The following ZBTB20 variants were observed in gnomAD, a reference collection of about 807,000 sequenced individuals.
ZBTB20 encodes the protein zinc finger and BTB domain containing 20, also known as zinc finger and BTB domain-containing protein 20.
ZBTB20 carries 9 observed loss-of-function variants against 56.9 expected under a neutral mutation model. That is an observed-to-expected ratio of 0.16 (90% CI 0.10 to 0.28). The LOEUF (loss-of-function observed/expected upper bound fraction) is 0.28, where lower values mean the gene tolerates loss of function less well. ZBTB20 is among the 10% of genes least tolerant of loss of function. The pLI, the probability that ZBTB20 is intolerant of heterozygous loss-of-function variation, is 1.00. For synonymous variants in ZBTB20, 417 were observed against 420.7 expected, an observed-to-expected ratio of 0.99 and a Z score of 0.11; for missense variants, 655 against 1,003.0, an observed-to-expected ratio of 0.65 and a Z score of 4.69.
chr3:114,342,298 G>A (rs1027534917), intron 11 of ZBTB20, among the ~76,000 whole-genome samples: 3 of 152,264 alleles, frequency 2.0e-5, no homozygotes, highest in East Asian at 1.9e-4. Flanking sequence ...GAGGTCTGTC[G>A]ATTGTTGCTC....
intron 6 of ZBTB20, among the ~76,000 whole-genome samples, chr3:114,588,499 C>A (rs1387196579): frequency 6.6e-6 from 1 of 152,122 alleles, no homozygotes; most frequent in Non-Finnish European, 1.5e-5. Flanking sequence ...AGTGTATGCT[C>A]AGAGTGGGTC....
At position 114,337,304 on chromosome 3, in the gene ZBTB20, G is replaced by C. The variant is rs1019755336; in HGVS notation, c.*1701C>G. 1.3e-5 allele frequency: 2 copies of C among 152,184 alleles called. No individual in the cohort carries two copies. The highest frequency in any genetic ancestry group is 4.8e-5 in the African/African-American group (2 of 41,426). 9.4% of individuals were successfully genotyped at this position (152,184 alleles called of 1,614,324 possible). ...TCATAATGATGCTCTTTGTAGTTGG[G>C]AAGGGTGAGGAGCTATGGCAGAGTT... is the stretch of plus-strand genomic sequence containing the variant. On this transcript the variant is annotated 3_prime_UTR_variant, in exon 12 of 12. Coordinates refer to ENST00000675478, the MANE Select transcript of ZBTB20 (RefSeq NM_001348800.3).
chr3:114,964,590 G>T (rs1378013859), intron 3 of ZBTB20, among the ~76,000 whole-genome samples: 1 of 152,150 alleles, frequency 6.6e-6, no homozygotes, highest in Non-Finnish European at 1.5e-5. Flanking sequence ...CAGGCTAAAT[G>T]AACAGTAAGA....
chr3:114,503,037 C>T (rs1233836221), intron 6 of ZBTB20, among the ~76,000 whole-genome samples: 1 of 152,046 alleles, frequency 6.6e-6, no homozygotes, highest in African/African-American at 2.4e-5. Context: ...TTCTAAATTT[C>T]AAGGTGCATT....
intron 2 of ZBTB20, among the ~76,000 whole-genome samples, chr3:115,053,585 G>A (rs2081635578): frequency 6.6e-6 from 1 of 152,056 alleles, no homozygotes; most frequent in Admixed American, 6.6e-5. Flanking sequence ...AATGCATATG[G>A]TTAAATTTGT....
chr3:115,006,322 A>G (rs1269997137), intron 2 of ZBTB20, among the ~76,000 whole-genome samples: 1 of 151,712 alleles, frequency 6.6e-6, no homozygotes, highest in Non-Finnish European at 1.5e-5. Flanking sequence ...GGAATATTCT[A>G]TTTTATTTAC....
chr3:114,831,303 C>A (rs889154697), intron 4 of ZBTB20, among the ~76,000 whole-genome samples: 2 of 151,698 alleles, frequency 1.3e-5, no homozygotes, highest in African/African-American at 4.8e-5. Flanking sequence ...AGCTCAGAAA[C>A]CCAGACTGCC....
At chr3:114,778,662 TGAG>T (rs2069823728) in intron 5 of ZBTB20, among the ~76,000 whole-genome samples, 1 of 152,022 alleles carries the variant, frequency 6.6e-6, no homozygotes, top group African/African-American at 2.4e-5. Context: ...AATCAGCAAA[TGAG>T]AAGAACTGAG....
At chr3:114,388,151 T>A (rs948186244) in intron 8 of ZBTB20, 1 of 152,240 alleles carries the variant, frequency 6.6e-6, no homozygotes, top group Non-Finnish European at 1.5e-5. Context: ...ATTACCTGCC[T>A]CATAACATAT....
intron 2 of ZBTB20, among the ~76,000 whole-genome samples, chr3:115,044,452 A>G (rs1368349395): frequency 1.3e-5 from 2 of 152,244 alleles, no homozygotes; most frequent in Admixed American, 6.5e-5. Context: ...CAGTCTTATT[A>G]CCTGGCTAAT....
At chr3:114,770,926 C>T (rs1313898485) in intron 5 of ZBTB20, among the ~76,000 whole-genome samples, 1 of 152,112 alleles carries the variant, frequency 6.6e-6, no homozygotes, top group Non-Finnish European at 1.5e-5. Context: ...TGTCCATGTT[C>T]AAAACATTTC....
chr3:114,347,469 C>T (rs2080291787), intron 11 of ZBTB20, among the ~76,000 whole-genome samples: 1 of 152,080 alleles, frequency 6.6e-6, no homozygotes, highest in East Asian at 1.9e-4. Context: ...TTTATACTAA[C>T]ATTTGGACTT....
intron 6 of ZBTB20, among the ~76,000 whole-genome samples, chr3:114,645,425 A>G (rs892718925): frequency 2.6e-5 from 4 of 152,084 alleles, no homozygotes; most frequent in Non-Finnish European, 1.5e-5. Flanking sequence ...CTCACCTCTC[A>G]CCTTCTTCCC....
intron 1 of ZBTB20, among the ~76,000 whole-genome samples, chr3:115,107,489 A>T (rs905762556): frequency 1.3e-5 from 2 of 152,218 alleles, no homozygotes; most frequent in Non-Finnish European, 2.9e-5. Flanking sequence ...ATTATTAAAA[A>T]GTCAAGAAAC....
chr3:114,982,710 C>T (rs184650573), intron 2 of ZBTB20, among the ~76,000 whole-genome samples: 73 of 152,058 alleles, frequency 4.8e-4, no homozygotes, highest in African/African-American at 1.6e-3. Flanking sequence ...GTGCACAACA[C>T]GCAGTTTAGT....
intron 6 of ZBTB20, among the ~76,000 whole-genome samples, chr3:114,552,546 C>T (rs183618197): frequency 1.3e-5 from 2 of 152,064 alleles, no homozygotes; most frequent in Admixed American, 6.5e-5. Flanking sequence ...ATTTCCAAAC[C>T]GCCCAAAATT....
chr3:114,956,620 A>G (rs1379825761), intron 3 of ZBTB20, among the ~76,000 whole-genome samples: 2 of 152,202 alleles, frequency 1.3e-5, no homozygotes, highest in Non-Finnish European at 2.9e-5. Context: ...GCCATCAGCA[A>G]GTACGCATTT....
At chr3:114,405,285 T>C (rs113217805) in intron 7 of ZBTB20, among the ~76,000 whole-genome samples, 19 of 152,288 alleles carry the variant, frequency 1.2e-4, no homozygotes, top group African/African-American at 3.4e-4. Flanking sequence ...TAAAGTTTAA[T>C]TGCATTAATT....
chr3:114,700,017 T>G (rs1487131258), intron 5 of ZBTB20, among the ~76,000 whole-genome samples: 1 of 152,136 alleles, frequency 6.6e-6, no homozygotes, highest in African/African-American at 2.4e-5. Flanking sequence ...GACAAGGAAT[T>G]CTTACATTAT....
Sources: gnomAD v4.1 joint callset for allele counts (sites outside exome capture counted in the v4.1 genomes callset) on GRCh38, gnomAD v4.1.1 for gene constraint, MANE v1.5 for transcripts, NCBI Gene and HGNC (gene_info 2026-07-23, HGNC 2026-07-21) for gene names.